The following ATG7 variants were observed in gnomAD, a reference collection of about 807,000 sequenced individuals.
ATG7 encodes autophagy related 7, also known as ubiquitin-like modifier-activating enzyme ATG7.
A neutral mutation model predicts 82.4 loss-of-function variants in ATG7; 70 were observed. That is an observed-to-expected ratio of 0.85 (90% confidence interval 0.70 to 1.04). The LOEUF (loss-of-function observed/expected upper bound fraction) is 1.04, where lower values mean the gene tolerates loss of function less well. Ranked by LOEUF, ATG7 falls within the 50% of genes least tolerant of loss-of-function variation. The probability of loss-of-function intolerance (pLI) is 0.00; values close to 1 mark genes in which losing one functional copy is unlikely to be tolerated. For synonymous variants in ATG7, 287 were observed against 313.0 expected (o/e 0.92, Z 0.88); for missense variants, 792 against 864.3 (o/e 0.92, Z 1.05).
At chr3:11,568,949 GA>G in the ATG7 span, 1 of 1,206,264 alleles carries the variant, frequency 8.3e-7, no homozygotes, top group South Asian at 2.0e-5. The surrounding 1 kb of genome is among the most constrained non-coding windows in gnomAD (Gnocchi z 5.9). Flanking sequence ...CCCACGGAGA[GA>G]AAGATGGAAA....
chr3:11,517,554 C>T (rs561171971), intron 20 of ATG7, among the ~76,000 whole-genome samples: 8 of 152,190 alleles, frequency 5.3e-5, no homozygotes, highest in East Asian at 3.9e-4. Context: ...GATGGAGAAT[C>T]GATGCTCAGA....
At chr3:11,363,054 A>C in intron 17 of ATG7, 126 bp downstream of exon 17, 1 of 840,342 alleles carries the variant, frequency 1.2e-6, no homozygotes, top group South Asian at 1.8e-5. Context: ...CCTCAAAAAA[A>C]CAAGACTAGA....
At chr3:11,458,319 A>G (rs2085948580) in intron 20 of ATG7, among the ~76,000 whole-genome samples, 2 of 152,046 alleles carry the variant, frequency 1.3e-5, no homozygotes, top group Admixed American at 1.3e-4. Flanking sequence ...GATGGAGTGC[A>G]GCGGCACCAT....
chr3:11,364,454 C>T (rs916821794), intron 17 of ATG7, among the ~76,000 whole-genome samples: 21 of 152,212 alleles, frequency 1.4e-4, no homozygotes, highest in Admixed American at 5.9e-4. Context: ...GTCACAAGCT[C>T]AGGTCTTTCT....
intron 19 of ATG7, 57 bp from the exon 20 acceptor site, chr3:11,426,745 CTT>C (rs527930339): frequency 9.9e-6 from 14 of 1,418,254 alleles, no homozygotes; most frequent in Non-Finnish European, 1.2e-5. Context: ...AAGTGAAAGT[CTT>C]TTAATTTGCA....
chr3:11,559,209 T>C, downstream of ATG7: 1 of 1,416,946 alleles, frequency 7.1e-7, no homozygotes, highest in Middle Eastern at 2.1e-4. Flanking sequence ...GCTCAAGAAA[T>C]ACTTTTTCAA....
chr3:11,546,531 T>G (rs186183504), intron 20 of ATG7, among the ~76,000 whole-genome samples: 1 of 152,270 alleles, frequency 6.6e-6, no homozygotes, highest in East Asian at 1.9e-4. Context: ...AGAAATATAA[T>G]TGTGCCATTC....
chr3:11,564,978 T>G, the ATG7 span: 1 of 1,530,546 alleles, frequency 6.5e-7, no homozygotes, highest in East Asian at 2.4e-5. Flanking sequence ...GCGGCTCCGC[T>G]CCCGGGGGTC....
chr3:11,568,672 C>T, the ATG7 span: 36 of 1,555,814 alleles, frequency 2.3e-5, no homozygotes, highest in African/African-American at 2.3e-4. This position sits in a 1 kb window ranked among gnomAD's most constrained non-coding sequence, Gnocchi z 5.9. Context: ...CCCGCTCGCC[C>T]GGATGAATCA....
chr3:11,331,272 T>G, intron 9 of ATG7, 68 bp from the exon 10 acceptor site: 2 of 1,242,280 alleles, frequency 1.6e-6, no homozygotes, highest in South Asian at 1.2e-5. Context: ...AGAGGAAGTA[T>G]GAGCAATGTC....
intron 3 of ATG7, among the ~76,000 whole-genome samples, chr3:11,294,636 A>T (rs1435280969): frequency 6.6e-6 from 1 of 152,204 alleles, no homozygotes; most frequent in Admixed American, 6.5e-5. Flanking sequence ...GGTGATTTTG[A>T]GGTGGGGCCT....
intron 20 of ATG7, among the ~76,000 whole-genome samples, chr3:11,541,979 A>G (rs1218633673): frequency 6.6e-6 from 1 of 152,256 alleles, no homozygotes; most frequent in Non-Finnish European, 1.5e-5. Context: ...TATTCTTACC[A>G]TCTAATTTTA....
chr3:11,362,983 TCATCAGTGTCTCC>T (rs1181541214), intron 17 of ATG7, 55 bp downstream of exon 17: 4 of 1,454,760 alleles, frequency 2.7e-6, no homozygotes, highest in African/African-American at 1.4e-5. Context: ...AGGCAGTTGT[TCATCAGTGTCTCC>T]CATGGCCTTT....
intron 20 of ATG7, among the ~76,000 whole-genome samples, chr3:11,429,420 C>T (rs925250340): frequency 1.1e-4 from 17 of 151,954 alleles, no homozygotes; most frequent in East Asian, 1.9e-4. Flanking sequence ...GACTTGAACC[C>T]GGGAAGCAAA....
intron 20 of ATG7, among the ~76,000 whole-genome samples, chr3:11,443,468 C>G (rs563859114): frequency 9.2e-5 from 14 of 152,308 alleles, no homozygotes; most frequent in Middle Eastern, 3.4e-3. Flanking sequence ...TCACTGCAGC[C>G]TCAACCTTCC....
chr3:11,276,715 G>A (rs1294286733), intron 1 of ATG7, among the ~76,000 whole-genome samples: 3 of 152,020 alleles, frequency 2.0e-5, no homozygotes, highest in Non-Finnish European at 4.4e-5. Context: ...TATCTCTCTG[G>A]CCATTTGTCC....
chr3:11,405,771 A>G (rs965734830), intron 19 of ATG7, among the ~76,000 whole-genome samples: 5 of 151,502 alleles, frequency 3.3e-5, no homozygotes, highest in Middle Eastern at 3.2e-3. Flanking sequence ...GGGACTACAA[A>G]TGCATGTCAC....
chr3:11,436,707 G>T (rs2083401494), intron 20 of ATG7, among the ~76,000 whole-genome samples: 1 of 152,188 alleles, frequency 6.6e-6, no homozygotes, highest in African/African-American at 2.4e-5. Flanking sequence ...CAGCTATTAC[G>T]CTGGAATAAT....
chr3:11,427,920 G>A (rs1228515287), intron 20 of ATG7, among the ~76,000 whole-genome samples: 5 of 152,190 alleles, frequency 3.3e-5, no homozygotes, highest in Non-Finnish European at 7.3e-5. Flanking sequence ...GGCAAAATGT[G>A]CAATTCCTCA....
Sources: allele counts gnomAD v4.1 joint callset (sites outside exome capture counted in the v4.1 genomes callset), GRCh38; gene constraint gnomAD v4.1.1; non-coding constraint Gnocchi (gnomAD v3.1); transcripts MANE v1.5; gene names NCBI Gene and HGNC (gene_info 2026-07-23, HGNC 2026-07-21).